The following CD160 variants were observed in gnomAD, a reference collection of about 807,000 sequenced individuals.
CD160 encodes the protein CD160 molecule.
A neutral mutation model predicts 19.2 loss-of-function variants in CD160; 11 were observed. The ratio of observed to expected loss-of-function variants is 0.57; its 90% CI spans 0.36 to 0.95. CD160 has a LOEUF of 0.95. CD160 is among the 40% of genes least tolerant of loss of function. The pLI, the probability that CD160 is intolerant of heterozygous loss-of-function variation, is 0.01. For missense variants in CD160, 182 were observed against 213.2 expected (o/e 0.85, Z 0.91); for synonymous variants, 75 against 81.1 (o/e 0.93, Z 0.40).
At chr1:145,725,303 A>T (rs1657014619) in intron 2 of CD160, among the ~76,000 whole-genome samples, 1 of 150,486 alleles carries the variant, frequency 6.6e-6, no homozygotes, top group African/African-American at 2.5e-5. Flanking sequence ...CTGTAATCCC[A>T]GATACTCGGC....
At chr1:145,731,573 G>A (rs1281211259) in intron 4 of CD160, among the ~76,000 whole-genome samples, 1 of 152,212 alleles carries the variant, frequency 6.6e-6, no homozygotes, top group Non-Finnish European at 1.5e-5. Context: ...AGGAGGCTAA[G>A]GCAAGAGAAT....
At chr1:145,731,944 G>GC (rs1165008206) in intron 4 of CD160, among the ~76,000 whole-genome samples, 33 of 152,144 alleles carry the variant, frequency 2.2e-4, no homozygotes, top group Non-Finnish European at 7.3e-5. Context: ...GGGACAGGAC[G>GC]CAAAACAGTT....
intron 3 of CD160, among the ~76,000 whole-genome samples, chr1:145,729,153 T>C (rs1657181149): frequency 6.6e-6 from 1 of 152,176 alleles, no homozygotes; most frequent in Admixed American, 6.5e-5. Context: ...ATAAACCATT[T>C]TGGAGTGAAT....
At position 145,730,861 on chromosome 1, in the gene CD160, G is replaced by A; in HGVS notation, c.191G>A (p.Arg64Lys). 1 of 1,614,056 alleles carries A rather than the reference G, an allele frequency of 6.2e-7. No individual in the cohort carries two copies. The highest frequency in any genetic ancestry group is 8.5e-7 in the Non-Finnish European group (1 of 1,179,976). The change falls in exon 4 of 6, where the codon AGG becomes AAG. Residue 64 changes from arginine (R) to lysine (K), a missense_variant. Coordinates refer to ENST00000369288, the MANE Select transcript of CD160 (RefSeq NM_007053.4). ...EGFVVFLCKD[R>K]SGDCSPETSL... Reference sequence around the variant, plus strand: ...TTTGTAGTGTTTTTGTGCAAGGACAGGTCTGGAGACTGTTCTCCTGAGACC... The same window carrying A: ...TTTGTAGTGTTTTTGTGCAAGGACAAGTCTGGAGACTGTTCTCCTGAGACC...
At chr1:145,735,642 G>C (rs781825087) in intron 4 of CD160, among the ~76,000 whole-genome samples, 2 of 152,002 alleles carry the variant, frequency 1.3e-5, no homozygotes, top group East Asian at 3.9e-4. Flanking sequence ...TATTCCAAAA[G>C]GGCAAGATTT....
intron 4 of CD160, among the ~76,000 whole-genome samples, chr1:145,735,661 G>A (rs587657572): frequency 6.6e-6 from 1 of 152,240 alleles, no homozygotes; most frequent in South Asian, 2.1e-4. Flanking sequence ...TTTAACTTAT[G>A]CTAGATTGCT....
chr1:145,729,529 T>C (rs1657202348), intron 3 of CD160, among the ~76,000 whole-genome samples: 1 of 152,082 alleles, frequency 6.6e-6, no homozygotes, highest in African/African-American at 2.4e-5. Context: ...AATAATGGAC[T>C]ACAAAATATA....
chr1:145,727,539 G>A (rs1413561746), intron 2 of CD160, among the ~76,000 whole-genome samples: 1 of 151,898 alleles, frequency 6.6e-6, no homozygotes, highest in Non-Finnish European at 1.5e-5. Context: ...ACAACTTAAA[G>A]GAAAAGATAG....
At chr1:145,720,513 G>T (rs1210466886) in intron 1 of CD160, among the ~76,000 whole-genome samples, 1 of 152,172 alleles carries the variant, frequency 6.6e-6, no homozygotes, top group Non-Finnish European at 1.5e-5. Context: ...AGGCAGTTGG[G>T]GTTGTGGAGA....
chr1:145,738,134 A>G (rs1401299818), intron 5 of CD160: 1 of 171,832 alleles, frequency 5.8e-6, no homozygotes, highest in Admixed American at 6.3e-5. Flanking sequence ...AACTAGTTTC[A>G]GTGAATATCC....
chr1:145,736,170 G>C, intron 5 of CD160, 36 bp downstream of exon 5: 1 of 1,613,726 alleles, frequency 6.2e-7, no homozygotes, highest in South Asian at 1.1e-5. Flanking sequence ...CCCAAGCAAT[G>C]AGGGTGCTAT....
At chr1:145,736,324 A>G (rs781783378) in intron 5 of CD160, 190 bp downstream of exon 5, 21 of 1,519,580 alleles carry the variant, frequency 1.4e-5, no homozygotes, top group Non-Finnish European at 1.9e-5. Flanking sequence ...AAGGAGGAAG[A>G]CAGATAAATC....
At chr1:145,731,386 C>T (rs782200043) in intron 4 of CD160, among the ~76,000 whole-genome samples, 34 of 152,096 alleles carry the variant, frequency 2.2e-4, no homozygotes, top group Non-Finnish European at 4.4e-4. Flanking sequence ...AATTAGGCTT[C>T]CTGGCCAGGC....
intron 4 of CD160, among the ~76,000 whole-genome samples, chr1:145,734,203 A>G (rs1404436139): frequency 6.6e-6 from 1 of 152,120 alleles, no homozygotes; most frequent in Non-Finnish European, 1.5e-5. Context: ...ACATATTCCT[A>G]TAGTCTCCTA....
At chr1:145,737,786 T>G (rs1377265893) in intron 5 of CD160, 2 of 152,002 alleles carry the variant, frequency 1.3e-5, no homozygotes, top group Non-Finnish European at 2.9e-5. Context: ...TCTGGCCTTT[T>G]TTTCCTTTTC....
intron 1 of CD160, among the ~76,000 whole-genome samples, chr1:145,724,305 G>A (rs1656970927): frequency 6.6e-6 from 1 of 152,056 alleles, no homozygotes; most frequent in South Asian, 2.1e-4. Flanking sequence ...GGGTTTTCTA[G>A]ATGTAAGTTA....
At chr1:145,736,586 A>G (rs1242050359) in intron 5 of CD160, 3 of 186,926 alleles carry the variant, frequency 1.6e-5, no homozygotes, top group Non-Finnish European at 3.4e-5. Flanking sequence ...GTCCTCTGAA[A>G]ACCATTTACC....
At chr1:145,728,499 C>CAA in intron 3 of CD160, 99 bp downstream of exon 3, 1 of 447,526 alleles carries the variant, frequency 2.2e-6, no homozygotes, top group Non-Finnish European at 3.7e-6. Flanking sequence ...AAACAAAGGA[C>CAA]TCTTTTTTTT....
chr1:145,735,911 T>C (rs1657465797), intron 4 of CD160, 86 bp from the exon 5 acceptor site: 3 of 928,730 alleles, frequency 3.2e-6, no homozygotes, highest in Non-Finnish European at 5.0e-6. Flanking sequence ...TTGGAGATCA[T>C]AAAAGAGATG....
Sources: gnomAD v4.1 joint callset for allele counts (sites outside exome capture counted in the v4.1 genomes callset) on GRCh38, gnomAD v4.1.1 for gene constraint, MANE v1.5 for transcripts, NCBI Gene and HGNC (gene_info 2026-07-23, HGNC 2026-07-21) for gene names.